SBF2: variants seen among roughly 807,000 people sequenced by gnomAD.
SBF2 encodes the protein myotubularin-related protein 13.
SBF2 carries 112 observed loss-of-function variants against 225.2 expected under a neutral mutation model. The observed-to-expected ratio is 0.50, with a 90% CI of 0.43 to 0.58. The LOEUF (loss-of-function observed/expected upper bound fraction) is 0.58, where lower values mean the gene tolerates loss of function less well. Ranked by LOEUF, SBF2 falls within the 20% of genes least tolerant of loss-of-function variation. The pLI is 0.00. For synonymous variants in SBF2, 763 were observed against 773.3 expected (o/e 0.99, Z 0.22); for missense variants, 1,996 against 2,206.2 (o/e 0.90, Z 1.91).
intron 16 of SBF2, among the ~76,000 whole-genome samples, chr11:9,908,340 G>C (rs867727368): frequency 2.4e-4 from 37 of 152,144 alleles, no homozygotes; most frequent in Admixed American, 3.3e-4. Flanking sequence ...GAAGGCAGAT[G>C]GGGGGCTTGG....
chr11:10,124,842 C>A, intron 2 of SBF2, among the ~76,000 whole-genome samples: 1 of 152,056 alleles, frequency 6.6e-6, no homozygotes, highest in Non-Finnish European at 1.5e-5. Context: ...TGGTGGTTCA[C>A]GCCTGTAATC....
chr11:10,246,968 T>C (rs1436238516), intron 1 of SBF2, among the ~76,000 whole-genome samples: 4 of 152,166 alleles, frequency 2.6e-5, no homozygotes, highest in African/African-American at 9.7e-5. Flanking sequence ...ACACCTATAG[T>C]CTCAGTTACT....
At chr11:9,888,843 A>G (rs1041978672) in intron 17 of SBF2, among the ~76,000 whole-genome samples, 1 of 152,244 alleles carries the variant, frequency 6.6e-6, no homozygotes, top group Non-Finnish European at 1.5e-5. Flanking sequence ...GCTAGGTAGT[A>G]TAGATTCTTT....
intron 16 of SBF2, among the ~76,000 whole-genome samples, chr11:9,945,836 AACATC>A (rs1865529707): frequency 6.6e-6 from 1 of 152,226 alleles, no homozygotes; most frequent in African/African-American, 2.4e-5. Context: ...AAAAATGTTC[AACATC>A]ACTAATCATT....
chr11:9,835,287 T>A (rs1021761516), intron 26 of SBF2, among the ~76,000 whole-genome samples: 4 of 152,022 alleles, frequency 2.6e-5, no homozygotes, highest in African/African-American at 2.4e-5. Flanking sequence ...AGATCTAGTA[T>A]TTCCTCCAAG....
rs1264879730 is a variant in SBF2 at position 10,303,058 on chromosome 11, C to T, written n.386+1434G>A. On this transcript the variant is annotated intron_variant and non_coding_transcript_variant, in intron 1 of 5. Coordinates refer to the SBF2 transcript ENST00000685217. The surrounding 1 kb of genome is among the most constrained non-coding windows in gnomAD (Gnocchi z 5.2). ...CTGGATCTGCGCGAAGAGCTTGACT[C>T]GCAGAGGATAAAGTGAAAGGAAAAG... 6.6e-6 allele frequency: 1 copy of T among 152,260 alleles called. No individual in the cohort carries two copies. The highest frequency in any genetic ancestry group is 1.9e-4 in the East Asian group (1 of 5,186). The allele number at this position is 152,260 out of a possible 1,614,324, so 9.4% of individuals were successfully genotyped here. A position where few individuals can be genotyped will look rare whatever the true frequency, so the allele number is the denominator to read the frequency against.
At chr11:10,201,667 G>C (rs7112800) in intron 1 of SBF2, among the ~76,000 whole-genome samples, 151,150 of 152,364 alleles carry the variant, frequency 0.99, 74,988 homozygotes, top group Middle Eastern at 1. Flanking sequence ...TTTTCCCAGA[G>C]TTAAACTTAG....
At chr11:9,783,908 T>C (rs890897498) in intron 38 of SBF2, among the ~76,000 whole-genome samples, 4 of 152,190 alleles carry the variant, frequency 2.6e-5, no homozygotes, top group African/African-American at 9.7e-5. Context: ...TAATGCCCTC[T>C]GTTTTGAATG....
chr11:9,945,124 T>A (rs578110126), intron 16 of SBF2, among the ~76,000 whole-genome samples: 2 of 151,778 alleles, frequency 1.3e-5, no homozygotes, highest in Non-Finnish European at 2.9e-5. Flanking sequence ...AAAATTCATA[T>A]GGGACCAAAA....
chr11:9,949,565 A>G (rs1865741853), intron 16 of SBF2, among the ~76,000 whole-genome samples: 1 of 152,126 alleles, frequency 6.6e-6, no homozygotes, highest in Non-Finnish European at 1.5e-5. Context: ...TTTTCCTTTA[A>G]TCTATTAATG....
At chr11:10,083,157 C>G (rs1486563727) in intron 2 of SBF2, among the ~76,000 whole-genome samples, 2 of 152,026 alleles carry the variant, frequency 1.3e-5, no homozygotes, top group African/African-American at 4.8e-5. Flanking sequence ...CAACACAGCT[C>G]TAGGAATACA....
chr11:10,110,505 G>T (rs1952786794), intron 2 of SBF2, among the ~76,000 whole-genome samples: 1 of 151,882 alleles, frequency 6.6e-6, no homozygotes, highest in Non-Finnish European at 1.5e-5. Context: ...AAACTTCTAT[G>T]CACAAAGAAA....
At chr11:10,288,606 G>A (rs777544220) in intron 1 of SBF2, among the ~76,000 whole-genome samples, 4 of 152,010 alleles carry the variant, frequency 2.6e-5, no homozygotes, top group Non-Finnish European at 5.9e-5. Context: ...ACTAGAATGG[G>A]TGGCTCCTCT....
chr11:9,866,043 T>C (rs1466572789), intron 17 of SBF2, among the ~76,000 whole-genome samples: 1 of 152,234 alleles, frequency 6.6e-6, no homozygotes, highest in Middle Eastern at 3.2e-3. Flanking sequence ...CTGGAAGTAC[T>C]TGACACGGGT....
rs201744186 is a variant in SBF2, at chr11:9,868,411, G to A, written c.1930-10015C>T. On this transcript the variant is annotated intron_variant, in intron 17 of 39. Coordinates refer to ENST00000256190, the MANE Select transcript of SBF2 (RefSeq NM_030962.4). ...CGGGCGCCTGTAGTCCCAGCTACTC[G>A]GGAGGCTGAGGCAGGAGAATGGCAT... Among the ~76,000 whole-genome samples the A allele has an allele frequency of 6.6e-5, 10 of 150,568 alleles. No individual in the cohort carries two copies. The South Asian group carries it at 1.5e-3, about 22-fold the overall frequency.
At chr11:9,955,312 C>T (rs937574011) in intron 16 of SBF2, among the ~76,000 whole-genome samples, 34 of 151,910 alleles carry the variant, frequency 2.2e-4, no homozygotes, top group Non-Finnish European at 2.9e-5. Context: ...CTATCATATA[C>T]ATACATACAT....
At chr11:10,074,328 A>G (rs1951012885) in intron 2 of SBF2, among the ~76,000 whole-genome samples, 1 of 152,198 alleles carries the variant, frequency 6.6e-6, no homozygotes, top group Admixed American at 6.5e-5. Context: ...ATAAATAATA[A>G]ATACCAAAAA....
chr11:10,033,665 C>G (rs1370326649), intron 3 of SBF2, among the ~76,000 whole-genome samples: 2 of 13,286 alleles, frequency 1.5e-4, no homozygotes, highest in African/African-American at 4.4e-4. Flanking sequence ...TGTGATTAAA[C>G]ACACACACAC....
chr11:9,955,104 C>T (rs1486338701), intron 16 of SBF2, among the ~76,000 whole-genome samples: 1 of 151,802 alleles, frequency 6.6e-6, no homozygotes, highest in Non-Finnish European at 1.5e-5. Flanking sequence ...AAACTGAGGA[C>T]TTTTTTCAAA....
Sources: allele counts gnomAD v4.1 joint callset (sites outside exome capture counted in the v4.1 genomes callset), GRCh38; gene constraint gnomAD v4.1.1; non-coding constraint Gnocchi (gnomAD v3.1); transcripts MANE v1.5; gene names NCBI Gene and HGNC (gene_info 2026-07-23, HGNC 2026-07-21).